The following HADHA variants were observed in gnomAD, a reference collection of about 807,000 sequenced individuals.
HADHA encodes the protein hydroxyacyl-CoA dehydrogenase trifunctional multienzyme complex subunit alpha.
In HADHA, 59 loss-of-function variants were observed where a neutral mutation model predicts 91.3. That is an observed-to-expected ratio of 0.65 (90% CI 0.52 to 0.80). The LOEUF (loss-of-function observed/expected upper bound fraction) is 0.80. Ranked by LOEUF, HADHA falls within the 30% of genes least tolerant of loss-of-function variation. HADHA has a pLI of 0.00. For synonymous variants in HADHA, 320 were observed against 338.9 expected (o/e 0.94, Z 0.61); for missense variants, 800 against 927.6 (o/e 0.86, Z 1.79).
intron 12 of HADHA, among the ~76,000 whole-genome samples, chr2:26,201,991 G>T (rs1669857667): frequency 6.6e-6 from 1 of 150,918 alleles, no homozygotes; most frequent in Non-Finnish European, 1.5e-5. Context: ...AGTAGAGATG[G>T]GGTTTCACCA....
At chr2:26,222,520 C>G (rs988485586) in intron 7 of HADHA, among the ~76,000 whole-genome samples, 1 of 152,190 alleles carries the variant, frequency 6.6e-6, no homozygotes, top group African/African-American at 2.4e-5. Flanking sequence ...TGGGATGACT[C>G]GTTCTATGGA....
intron 1 of HADHA, among the ~76,000 whole-genome samples, chr2:26,240,636 G>A (rs1382875574): frequency 6.6e-6 from 1 of 152,070 alleles, no homozygotes; most frequent in Non-Finnish European, 1.5e-5. Context: ...GTGAGCATGG[G>A]TTGCAATATT....
intron 12 of HADHA, among the ~76,000 whole-genome samples, chr2:26,202,862 T>G (rs531104570): frequency 3.9e-5 from 6 of 152,272 alleles, no homozygotes; most frequent in Admixed American, 3.9e-4. Flanking sequence ...TCAGTTGCTC[T>G]AATTCTAATG....
At chr2:26,217,433 G>A (rs555014902) in intron 7 of HADHA, among the ~76,000 whole-genome samples, 5 of 152,192 alleles carry the variant, frequency 3.3e-5, no homozygotes, top group African/African-American at 4.8e-5. Flanking sequence ...CAATTTTTAC[G>A]AAAACTATAA....
At chr2:26,237,610 A>T (rs1003147452) in intron 3 of HADHA, among the ~76,000 whole-genome samples, 4 of 152,206 alleles carry the variant, frequency 2.6e-5, no homozygotes, top group African/African-American at 9.7e-5. Context: ...CCTAGGCAAC[A>T]GAATGAGACC....
rs1429525545 is a variant in HADHA, at chr2:26,221,254, G to T, written c.677-6079C>A. Among the ~76,000 whole-genome samples, 1 of 152,204 alleles carries T rather than the reference G, an allele frequency of 6.6e-6. No homozygotes were observed. Among genetic ancestry groups the T allele is most frequent in the Non-Finnish European group, 1.5e-5 (1 of 68,040 alleles). On this transcript the variant is annotated intron_variant, in intron 7 of 19. Coordinates refer to ENST00000380649, the MANE Select transcript of HADHA (RefSeq NM_000182.5). This position sits in a 1 kb window ranked among gnomAD's most constrained non-coding sequence, Gnocchi z 4.8. The stretch of plus-strand genomic sequence containing the variant: ...ACGTGATTCAAACCTGATGGCGCCT[G>T]AAGTGTCGGCAGCAGACAGAGGTGC...
chr2:26,232,127 C>T (rs770669393), intron 6 of HADHA, 33 bp downstream of exon 6: 30 of 1,525,308 alleles, frequency 2.0e-5, no homozygotes, highest in Middle Eastern at 3.4e-4. Flanking sequence ...CTAAAGAGGG[C>T]ATATAGCTTC....
At chr2:26,215,753 C>T (rs1558323650) in intron 7 of HADHA, among the ~76,000 whole-genome samples, 1 of 152,164 alleles carries the variant, frequency 6.6e-6, no homozygotes. Flanking sequence ...TAGAAGAAAC[C>T]AAGTGCAAAG....
At chr2:26,198,568 G>A (rs993550758) in intron 13 of HADHA, among the ~76,000 whole-genome samples, 1 of 151,698 alleles carries the variant, frequency 6.6e-6, no homozygotes, top group African/African-American at 2.4e-5. Flanking sequence ...TAACAGAGAT[G>A]AGAATCAAGG....
chr2:26,199,967 C>G (rs1669787246), intron 13 of HADHA, among the ~76,000 whole-genome samples: 1 of 152,014 alleles, frequency 6.6e-6, no homozygotes, highest in Non-Finnish European at 1.5e-5. Flanking sequence ...AGAGCCCTGC[C>G]CAGATTGCAG....
rs751218731 is a variant in HADHA at position 26,236,861 on chromosome 2, T to C, written c.308A>G (p.Asp103Gly). 7 of 1,611,400 alleles carry C rather than the reference T, an allele frequency of 4.3e-6. No homozygotes were observed. Among genetic ancestry groups the C allele is most frequent in the African/African-American group, 1.3e-5 (1 of 74,876 alleles). ...CAAGTTTCCTAAAACTTACTTGATA[T>C]CAGCACCTGCAATAAAGCAGCCTGG... Reference protein sequence around the residue: ...SKPGCFIAGADINMLAACKTL... With the variant: ...SKPGCFIAGAGINMLAACKTL... The change falls in exon 4 of 20, where the codon GAT becomes GGT. Residue 103 changes from aspartate to glycine, a missense_variant. Physicochemically the swap from Asp to Gly is moderately conservative, Grantham distance 94 (BLOSUM62 -1). Transcript: ENST00000380649.
At chr2:26,204,737 C>T (rs1339535101) in intron 11 of HADHA, among the ~76,000 whole-genome samples, 4 of 152,106 alleles carry the variant, frequency 2.6e-5, no homozygotes, top group African/African-American at 9.7e-5. Context: ...GTGCATATCA[C>T]CACTCCTGGC....
At position 26,232,061 on chromosome 2, in the gene HADHA, G is replaced by T. The variant is rs539370750; in HGVS notation, c.573+99C>A. ...ATCCTGTACACTCATATTTTATTTG[G>T]TTTTTTAATTCTACAATGAATGCCC... On this transcript the variant is annotated intron_variant, in intron 6 of 19. Coordinates refer to ENST00000380649, the MANE Select transcript of HADHA (RefSeq NM_000182.5). 397 of 876,842 alleles carry T rather than the reference G, an allele frequency of 4.5e-4. 3 individuals carry two copies. In the East Asian group the frequency reaches 9.0e-3, roughly 20 times the overall value. The allele number at this position is 876,842 out of a possible 1,614,324, so 54.3% of individuals were successfully genotyped here. A position where few individuals can be genotyped will look rare whatever the true frequency, so the allele number is the denominator to read the frequency against.
rs531016822 is a variant in HADHA at position 26,202,121 on chromosome 2, A to C, written c.1221-801T>G. Among the ~76,000 whole-genome samples the C allele has an allele frequency of 1.7e-3, 264 of 152,252 alleles. 2 individuals are homozygous for C. The highest frequency in any genetic ancestry group is 6.8e-3 in the Middle Eastern group (2 of 294). ...GCCTGTGGTTGTAATCTTCTAAAGAACAGAGACCAAGCATTATTTCCTATA... is the reference window on the plus strand; with the variant it reads ...GCCTGTGGTTGTAATCTTCTAAAGACCAGAGACCAAGCATTATTTCCTATA... On this transcript the variant is annotated intron_variant, in intron 12 of 19. Transcript: ENST00000380649.
Position 26,242,623 on chromosome 2 carries a change from T to G in HADHA, c.67+1907A>C, listed in dbSNP as rs535822010. Among the ~76,000 whole-genome samples, 22 of 152,310 alleles carry G rather than the reference T, an allele frequency of 1.4e-4. No homozygotes were observed. In the East Asian group the frequency reaches 4.2e-3, roughly 29 times the overall value. On this transcript the variant is annotated intron_variant, in intron 1 of 19. Coordinates refer to ENST00000380649, the MANE Select transcript of HADHA (RefSeq NM_000182.5). ...ACTGCTTGATATCTAAAATAACTCC[T>G]TTTCATCACACAAGGTGGTATTATT...
chr2:26,209,988 G>A, intron 10 of HADHA, 99 bp from the exon 11 acceptor site: 1 of 777,852 alleles, frequency 1.3e-6, no homozygotes, highest in Non-Finnish European at 2.3e-6. Context: ...GGTAATGCAT[G>A]TGAAGCCTGA....
At chr2:26,191,420 TGAA>T (rs1302856411) in intron 19 of HADHA, 25 bp from the exon 20 acceptor site, 3 of 1,614,164 alleles carry the variant, frequency 1.9e-6, no homozygotes, top group Non-Finnish European at 2.5e-6. Context: ...AGGACTTCGT[TGAA>T]GGAGACGCAA....
At chr2:26,202,242 A>G (rs1159081471) in intron 12 of HADHA, among the ~76,000 whole-genome samples, 1 of 152,206 alleles carries the variant, frequency 6.6e-6, no homozygotes, top group African/African-American at 2.4e-5. Context: ...GGGAGCAGAA[A>G]AGGATTCCTG....
In HADHA at chr2:26,244,553, G is replaced by A; in HGVS notation, c.44C>T (p.Ala15Val). The A allele has an allele frequency of 1.9e-6, 3 of 1,587,788 alleles. No individual in the cohort carries two copies. Among genetic ancestry groups the A allele is most frequent in the East Asian group, 2.3e-5 (1 of 43,508 alleles). The change falls in exon 1 of 20, where the codon GCC (alanine) becomes GTC (valine). Residue 15 changes from alanine (A) to valine (V), a missense_variant. By Grantham distance (64) the Ala-to-Val change is moderately conservative. Coordinates refer to ENST00000380649, the MANE Select transcript of HADHA (RefSeq NM_000182.5). Reference protein sequence around the residue: ...RAIGILSRFSAFRILRSRGYI... With the variant: ...RAIGILSRFSVFRILRSRGYI... Reference sequence around the variant, plus strand: ...ACCTCGGGAGCGGAGGATCCTGAAGGCAGAAAAGCGGCTGAGGATGCCAAT... The same window carrying A: ...ACCTCGGGAGCGGAGGATCCTGAAGACAGAAAAGCGGCTGAGGATGCCAAT...
Sources: allele counts gnomAD v4.1 joint callset (sites outside exome capture counted in the v4.1 genomes callset), GRCh38; gene constraint gnomAD v4.1.1; non-coding constraint Gnocchi (gnomAD v3.1); transcripts MANE v1.5; gene names NCBI Gene and HGNC (gene_info 2026-07-23, HGNC 2026-07-21).